Variants in JADE1 observed in about 807,000 individuals in gnomAD.
JADE1 encodes jade family PHD finger 1, also known as protein Jade-1.
Under a neutral mutation model 81.8 loss-of-function variants are expected in JADE1, and 14 were observed. The ratio of observed to expected loss-of-function variants is 0.17; its 90% CI spans 0.11 to 0.27. The LOEUF (loss-of-function observed/expected upper bound fraction) is 0.27. JADE1 is among the 10% of genes least tolerant of loss of function. The pLI is 1.00. For synonymous variants in JADE1, 353 were observed against 391.9 expected (o/e 0.90, Z 1.17); for missense variants, 690 against 1,047.9 (o/e 0.66, Z 4.71).
intron 6 of JADE1, among the ~76,000 whole-genome samples, chr4:128,854,193 C>A (rs559782100): frequency 6.6e-6 from 1 of 152,268 alleles, no homozygotes; most frequent in Admixed American, 6.5e-5. Context: ...TGCAAGCTCT[C>A]ACGGTGGACG....
At chr4:128,828,796 G>A (rs9996772) in intron 1 of JADE1, among the ~76,000 whole-genome samples, 152,091 of 152,260 alleles carry the variant, frequency 1, 75,961 homozygotes, top group East Asian at 1. Flanking sequence ...AAGCTACTCT[G>A]TTAGGTGAAT....
At chr4:128,831,695 TATC>T (rs2125827627) in intron 1 of JADE1, 35 bp from the exon 2 acceptor site, 3 of 1,568,650 alleles carry the variant, frequency 1.9e-6, no homozygotes, top group South Asian at 1.1e-5. Context: ...GATTGTGTAT[TATC>T]ATCTTGGGTT....
intron 4 of JADE1, among the ~76,000 whole-genome samples, chr4:128,848,233 C>T (rs1730035700): frequency 6.6e-6 from 1 of 152,092 alleles, no homozygotes; most frequent in South Asian, 2.1e-4. Flanking sequence ...GGCTGGAGTG[C>T]AGTGGTGCAA....
At chr4:128,869,074 A>G (rs1245420366) in intron 10 of JADE1, among the ~76,000 whole-genome samples, 1 of 152,192 alleles carries the variant, frequency 6.6e-6, no homozygotes, top group Non-Finnish European at 1.5e-5. Flanking sequence ...ATTATGTGCG[A>G]CTAGAGGGAG....
In JADE1 at chr4:128,861,563, G is replaced by A. The variant is rs1227023119; in HGVS notation, c.982-141G>A. ...ACAGGATCTTGCAGGGTTAATCCACGTACAACTTTCCTGTCATGGCACATG... is the reference window on the plus strand; with the variant it reads ...ACAGGATCTTGCAGGGTTAATCCACATACAACTTTCCTGTCATGGCACATG... On this transcript the variant is annotated intron_variant, in intron 8 of 10. Coordinates refer to ENST00000226319, the MANE Select transcript of JADE1 (RefSeq NM_199320.4). 31 of 977,184 alleles carry A rather than the reference G, an allele frequency of 3.2e-5. No individual in the cohort carries two copies. In the East Asian group the frequency reaches 5.6e-4, roughly 18 times the overall value. The allele number at this position is 977,184 out of a possible 1,614,324, so 60.5% of individuals were successfully genotyped here.
Position 128,842,459 on chromosome 4 carries a change from G to A in JADE1, c.53-494G>A, listed in dbSNP as rs141041255. Reference sequence around the variant, plus strand: ...GGATTACAGGTGCCTGCCACCACGCGAAGCTAATTTTTGTAGTTTTAGTAG... The same window carrying A: ...GGATTACAGGTGCCTGCCACCACGCAAAGCTAATTTTTGTAGTTTTAGTAG... On this transcript the variant is annotated intron_variant, in intron 2 of 10. Transcript: ENST00000226319. Among the ~76,000 whole-genome samples, 218 of 152,052 alleles carry A rather than the reference G, an allele frequency of 1.4e-3. 1 individual carries two copies. The highest frequency in any genetic ancestry group is 4.9e-3 in the African/African-American group (205 of 41,512).
At chr4:128,828,688 A>G (rs1579127027) in intron 1 of JADE1, among the ~76,000 whole-genome samples, 1 of 152,190 alleles carries the variant, frequency 6.6e-6, no homozygotes, top group Admixed American at 6.5e-5. Flanking sequence ...ATTTTGGCCA[A>G]TGCTTGCGTT....
At chr4:128,819,787 C>T (rs1213851208) in intron 1 of JADE1, among the ~76,000 whole-genome samples, 1 of 152,162 alleles carries the variant, frequency 6.6e-6, no homozygotes, top group African/African-American at 2.4e-5. Context: ...TCTCTGATAA[C>T]GTATCATGGC....
chr4:128,871,619 G>A lies in JADE1; in HGVS notation c.1886G>A (p.Ser629Asn), dbSNP rs1732201615. 6.2e-7 allele frequency: 1 copy of A among 1,614,224 alleles called. No homozygotes were observed. The highest frequency in any genetic ancestry group is 1.3e-5 in the African/African-American group (1 of 75,058). ...AGGGAGGGGATGGTGGTCCCAGAGA[G>A]CTTTTTGGGTTTAGAAAAGACCTTT... ...GRREGMVVPE[S>N]FLGLEKTFAE... The change falls in exon 11 of 11, where the codon AGC (serine) becomes AAC (asparagine). Residue 629 changes from serine (S) to asparagine (N), a missense_variant. Coordinates refer to ENST00000226319, the MANE Select transcript of JADE1 (RefSeq NM_199320.4). The surrounding 1 kb of genome is among the most constrained non-coding windows in gnomAD (Gnocchi z 4.1).
At chr4:128,835,340 A>G (rs1728895654) in intron 2 of JADE1, among the ~76,000 whole-genome samples, 1 of 152,224 alleles carries the variant, frequency 6.6e-6, no homozygotes, top group African/African-American at 2.4e-5. Flanking sequence ...CAGAGTTCTC[A>G]TTAAGAACCC....
intron 2 of JADE1, among the ~76,000 whole-genome samples, chr4:128,833,103 G>A (rs1728684982): frequency 6.6e-6 from 1 of 152,156 alleles, no homozygotes; most frequent in African/African-American, 2.4e-5. Context: ...GCTCCAGAGC[G>A]AAAGACCTTT....
intron 5 of JADE1, among the ~76,000 whole-genome samples, chr4:128,851,489 A>T (rs1238484029): frequency 6.6e-6 from 1 of 152,200 alleles, no homozygotes; most frequent in Non-Finnish European, 1.5e-5. Context: ...AATATCCTTG[A>T]ATCCTTTTAA....
At chr4:128,850,091 C>G (rs1358744085) in intron 5 of JADE1, among the ~76,000 whole-genome samples, 1 of 152,060 alleles carries the variant, frequency 6.6e-6, no homozygotes, top group Non-Finnish European at 1.5e-5. Context: ...GTCAGGACTT[C>G]AAGACCAGCC....
chr4:128,850,600 C>T (rs1001544739), intron 5 of JADE1, among the ~76,000 whole-genome samples: 1 of 152,152 alleles, frequency 6.6e-6, no homozygotes, highest in African/African-American at 2.4e-5. Flanking sequence ...TAGCAGGCCA[C>T]AAGGTGGTTT....
intron 2 of JADE1, among the ~76,000 whole-genome samples, chr4:128,839,840 C>G (rs954704735): frequency 6.6e-6 from 1 of 152,116 alleles, no homozygotes; most frequent in Non-Finnish European, 1.5e-5. Context: ...TAGGTTGTTT[C>G]TGATTTTTGG....
chr4:128,871,690 A>G lies in JADE1; in HGVS notation c.1957A>G (p.Met653Val), dbSNP rs866830481. Residue 653 changes from methionine to valine, a missense_variant, in exon 11 of 11, where the codon ATG becomes GTG. Physicochemically the swap from Met to Val is conservative, Grantham distance 21. Around this residue, in one of 8 missense-constraint regions of JADE1, gnomAD observed 218 missense variants for 274.3 expected, o/e 0.79. Transcript: ENST00000226319. This position sits in a 1 kb window ranked among gnomAD's most constrained non-coding sequence, Gnocchi z 4.1. ...AGCACAACAGAAAAATGGTGTGGTGATGCCAGACCATGGGAAAAGAAGAGA... is the reference window on the plus strand; with the variant it reads ...AGCACAACAGAAAAATGGTGTGGTGGTGCCAGACCATGGGAAAAGAAGAGA... ...ISAQQKNGVV[M>V]PDHGKRRDNR... is the part of the protein sequence containing the mutation. 4 of 1,614,168 alleles carry G rather than the reference A, an allele frequency of 2.5e-6. No individual in the cohort carries two copies. The Middle Eastern group carries it at 6.6e-4, about 266-fold the overall frequency.
chr4:128,822,073 A>G (rs1727624940), intron 1 of JADE1, among the ~76,000 whole-genome samples: 1 of 152,210 alleles, frequency 6.6e-6, no homozygotes, highest in Admixed American at 6.5e-5. Flanking sequence ...ATTCTTTGAT[A>G]CTGCATCTCA....
intron 10 of JADE1, among the ~76,000 whole-genome samples, chr4:128,869,878 G>A (rs367946761): frequency 5.3e-5 from 8 of 152,112 alleles, no homozygotes; most frequent in Admixed American, 4.6e-4. Context: ...GGCTTCAGTC[G>A]TGTTCTTATT....
At position 128,846,227 on chromosome 4, in the gene JADE1, G is replaced by C; in HGVS notation, c.139-148G>C. The stretch of plus-strand genomic sequence containing the variant: ...CTGAGTGAGGTAAAAGGCGTGTCAG[G>C]CAAAGTTTTTCTGTAATAGGTCAGG... On this transcript the variant is annotated intron_variant, in intron 3 of 10. Transcript: ENST00000226319. This position sits in a 1 kb window ranked among gnomAD's most constrained non-coding sequence, Gnocchi z 4.0. 1.3e-6 allele frequency: 1 copy of C among 770,942 alleles called. No homozygotes were observed. The highest frequency in any genetic ancestry group is 2.0e-5 in the South Asian group (1 of 51,044). 47.8% of individuals were successfully genotyped at this position (770,942 alleles called of 1,614,324 possible).
Sources: allele counts gnomAD v4.1 joint callset (sites outside exome capture counted in the v4.1 genomes callset), GRCh38; gene constraint gnomAD v4.1.1; regional missense constraint gnomAD v4.1.1; non-coding constraint Gnocchi (gnomAD v3.1); transcripts MANE v1.5; gene names NCBI Gene and HGNC (gene_info 2026-07-23, HGNC 2026-07-21).